NBEA: variants seen among roughly 807,000 people sequenced by gnomAD.
NBEA encodes neurobeachin, also known as lysosomal-trafficking regulator 2.
A neutral mutation model predicts 343.4 loss-of-function variants in NBEA; 44 were observed. The observed-to-expected ratio is 0.13, with a 90% CI of 0.10 to 0.16. NBEA has a LOEUF of 0.16. Ranked by LOEUF, NBEA falls within the 10% of genes least tolerant of loss-of-function variation. NBEA has a pLI of 1.00. For missense variants in NBEA, 2,555 were observed against 3,631.3 expected (o/e 0.70, Z 7.62); for synonymous variants, 1,175 against 1,238.7 (o/e 0.95, Z 1.08).
chr13:35,070,810 A>G lies in NBEA; in HGVS notation c.1529A>G (p.Asp510Gly), dbSNP rs1380287282. 2 of 1,610,452 alleles carry G rather than the reference A, an allele frequency of 1.2e-6. No individual in the cohort carries two copies. The highest frequency in any genetic ancestry group is 1.7e-6 in the Non-Finnish European group (2 of 1,178,866). Reference protein sequence around the residue: ...QVLFPLFAQLDNRQLNDSQVE... With the variant: ...QVLFPLFAQLGNRQLNDSQVE... ...CTTTTTCCACTTTTTGCCCAATTGG[A>G]TAATAGGCAGCTCAATGACAGTCAA... Residue 510 changes from aspartate (D) to glycine (G), a missense_variant, in exon 10 of 59, where the codon GAT becomes GGT. Around this residue, in one of 21 missense-constraint regions of NBEA, gnomAD observed 360 missense variants for 519.1 expected, o/e 0.69. Coordinates refer to ENST00000379939, the MANE Select transcript of NBEA (RefSeq NM_001385012.1).
intron 41 of NBEA, among the ~76,000 whole-genome samples, chr13:35,482,398 A>AT (rs1594776483): frequency 1.3e-5 from 2 of 151,448 alleles, no homozygotes; most frequent in African/African-American, 2.4e-5. Flanking sequence ...ACATTTCAAT[A>AT]TTTTCACTAT....
intron 30 of NBEA, among the ~76,000 whole-genome samples, chr13:35,189,579 G>C (rs2072017891): frequency 6.6e-6 from 1 of 151,862 alleles, no homozygotes; most frequent in African/African-American, 2.4e-5. Context: ...GCTAGGGCAA[G>C]AGAAAAGCAA....
chr13:35,139,917 G>A (rs937562386), intron 17 of NBEA, among the ~76,000 whole-genome samples: 3 of 152,030 alleles, frequency 2.0e-5, no homozygotes, highest in Non-Finnish European at 4.4e-5. Context: ...CTGTATAAAC[G>A]TTTGCATTGG....
intron 16 of NBEA, among the ~76,000 whole-genome samples, chr13:35,118,716 T>C (rs987531353): frequency 1.3e-5 from 2 of 152,068 alleles, no homozygotes; most frequent in African/African-American, 4.8e-5. Flanking sequence ...ACATTACAAA[T>C]TGTGAATAGA....
Position 35,045,349 on chromosome 13 carries a change from C to T in NBEA, c.671C>T (p.Pro224Leu). Reference protein sequence around the residue: ...VKLLSVLNQMPQRHGPDTFFN... With the variant: ...VKLLSVLNQMLQRHGPDTFFN... ...TTATTATCAGTTCTTAATCAGATGC[C>T]ACAGAGACACGGTCCTGATACTTTT... Residue 224 changes from proline (P) to leucine (L), a missense_variant, in exon 4 of 59, where the codon CCA becomes CTA. Around this residue, in one of 21 missense-constraint regions of NBEA, gnomAD observed 185 missense variants for 290.6 expected, o/e 0.64. Transcript: ENST00000379939. The T allele has an allele frequency of 6.2e-7, 1 of 1,612,550 alleles. No individual in the cohort carries two copies. The highest frequency in any genetic ancestry group is 8.5e-7 in the Non-Finnish European group (1 of 1,179,338).
chr13:35,296,897 T>C (rs2036169162), intron 35 of NBEA, among the ~76,000 whole-genome samples: 1 of 152,090 alleles, frequency 6.6e-6, no homozygotes, highest in African/African-American at 2.4e-5. Flanking sequence ...TTTGTTACAT[T>C]GTACATTTCC....
chr13:35,326,417 T>C (rs1396065982), intron 36 of NBEA, among the ~76,000 whole-genome samples: 1 of 152,058 alleles, frequency 6.6e-6, no homozygotes, highest in Non-Finnish European at 1.5e-5. Context: ...GGGATTGCAT[T>C]TTTTATTTGG....
intron 1 of NBEA, among the ~76,000 whole-genome samples, chr13:34,959,838 G>A (rs1050516694): frequency 6.6e-6 from 1 of 152,086 alleles, no homozygotes; most frequent in African/African-American, 2.4e-5. Context: ...CTGTGGTGAT[G>A]GTGGTGTAAA....
At chr13:35,226,684 C>CTTTT (rs74262863) in intron 33 of NBEA, among the ~76,000 whole-genome samples, 1 of 132,194 alleles carries the variant, frequency 7.6e-6, no homozygotes, top group Admixed American at 7.7e-5. Flanking sequence ...TGTTCTACAT[C>CTTTT]TTTTTTTTTT....
intron 36 of NBEA, among the ~76,000 whole-genome samples, chr13:35,315,613 A>C (rs1405887190): frequency 1.3e-5 from 2 of 152,120 alleles, no homozygotes; most frequent in Non-Finnish European, 2.9e-5. Context: ...TATAGAATTT[A>C]ATTTTTGAAT....
At position 34,987,916 on chromosome 13, in the gene NBEA, A is replaced by G. The variant is rs2060613110; in HGVS notation, c.294+44802A>G. Among the ~76,000 whole-genome samples the G allele has an allele frequency of 1.3e-5, 2 of 150,760 alleles. 1 individual carries two copies. Among genetic ancestry groups the G allele is most frequent in the Non-Finnish European group, 3.0e-5 (2 of 67,366 alleles). ...CATCTAATCTTTTTTCAAGGTTTTT[A>G]GCTTCCTTGCAATGGGTTTGAACAT... On this transcript the variant is annotated intron_variant, in intron 1 of 58. Coordinates refer to ENST00000379939, the MANE Select transcript of NBEA (RefSeq NM_001385012.1).
chr13:35,090,555 G>T (rs561955643), intron 10 of NBEA, among the ~76,000 whole-genome samples: 5 of 151,920 alleles, frequency 3.3e-5, no homozygotes, highest in Admixed American at 6.6e-5. Context: ...TAGGGATGTG[G>T]TGGCATAGCA....
chr13:35,222,581 C>A (rs2152762577), intron 33 of NBEA, among the ~76,000 whole-genome samples: 1 of 151,774 alleles, frequency 6.6e-6, no homozygotes, highest in East Asian at 1.9e-4. Flanking sequence ...ATTTCATTTT[C>A]TCTCCAATAT....
intron 17 of NBEA, among the ~76,000 whole-genome samples, chr13:35,141,556 T>G (rs1405656104): frequency 3.3e-5 from 5 of 152,180 alleles, no homozygotes; most frequent in Admixed American, 6.5e-5. Context: ...TGAACCACTG[T>G]TCCCGGCCCA....
chr13:35,640,570 A>G (rs1400341975), intron 49 of NBEA, among the ~76,000 whole-genome samples: 1 of 152,248 alleles, frequency 6.6e-6, no homozygotes, highest in Non-Finnish European at 1.5e-5. Flanking sequence ...GGGGACTCCC[A>G]TGAAGATGTC....
chr13:35,630,656 C>T (rs1383474589), intron 49 of NBEA, among the ~76,000 whole-genome samples: 5 of 152,106 alleles, frequency 3.3e-5, no homozygotes, highest in African/African-American at 1.2e-4. Context: ...CTCCCCAGAC[C>T]CCTTGCCCAC....
chr13:35,471,240 G>A (rs923364824), intron 40 of NBEA, among the ~76,000 whole-genome samples: 1 of 152,270 alleles, frequency 6.6e-6, no homozygotes, highest in East Asian at 1.9e-4. Context: ...TGCTGCGCCA[G>A]GGAAAGCCAA....
At chr13:34,999,316 C>T (rs2061044113) in intron 1 of NBEA, among the ~76,000 whole-genome samples, 2 of 152,054 alleles carry the variant, frequency 1.3e-5, no homozygotes, top group African/African-American at 4.8e-5. Context: ...GGGTATCCAT[C>T]ACCTCAAACA....
At chr13:35,581,283 G>T (rs1181434891) in intron 45 of NBEA, among the ~76,000 whole-genome samples, 1 of 151,884 alleles carries the variant, frequency 6.6e-6, no homozygotes, top group African/African-American at 2.4e-5. Flanking sequence ...TCCAGCACCT[G>T]TTGTTTCCTG....
Sources: gnomAD v4.1 joint callset for allele counts (sites outside exome capture counted in the v4.1 genomes callset) on GRCh38, gnomAD v4.1.1 for gene constraint, gnomAD v4.1.1 regional missense constraint, MANE v1.5 for transcripts, NCBI Gene and HGNC (gene_info 2026-07-23, HGNC 2026-07-21) for gene names.